NIBAN2: variants seen among roughly 807,000 people sequenced by gnomAD.
NIBAN2 encodes the protein protein Niban 2.
Under a neutral mutation model 81.8 loss-of-function variants are expected in NIBAN2, and 36 were observed. That is an observed-to-expected ratio of 0.44 (90% CI 0.34 to 0.58). The LOEUF (loss-of-function observed/expected upper bound fraction) is 0.58. Ranked by LOEUF, NIBAN2 falls within the 20% of genes least tolerant of loss-of-function variation. The probability of loss-of-function intolerance (pLI) is 0.02; values close to 1 mark genes in which losing one functional copy is unlikely to be tolerated. For synonymous variants in NIBAN2, 445 were observed against 441.6 expected (o/e 1.01, Z -0.10); for missense variants, 897 against 1,014.1 (o/e 0.88, Z 1.57).
In NIBAN2 at chr9:127,507,317, C is replaced by G. The variant is rs772289133; in HGVS notation, c.1769G>C (p.Gly590Ala). 1 of 1,575,412 alleles carries G rather than the reference C, an allele frequency of 6.3e-7. No individual in the cohort carries two copies. The highest frequency in any genetic ancestry group is 1.8e-5 in the Admixed American group (1 of 55,664). Residue 590 changes from glycine (G) to alanine (A), a missense_variant, in exon 14 of 14, where the codon GGC becomes GCC. Physicochemically the swap from Gly to Ala is moderately conservative, Grantham distance 60. Coordinates refer to ENST00000373312, the MANE Select transcript of NIBAN2 (RefSeq NM_022833.4). This position sits in a 1 kb window ranked among gnomAD's most constrained non-coding sequence, Gnocchi z 6.8. ...CCCGCCGCTGTTGCTGTACTCCTCG[C>G]CCCAGTCGATGGGGGCGCCCTCGGC... ...LLAEGAPIDW[G>A]EEYSNSGGGG...
At chr9:127,529,367 T>G (rs1487836455) in intron 2 of NIBAN2, among the ~76,000 whole-genome samples, 4 of 152,202 alleles carry the variant, frequency 2.6e-5, no homozygotes, top group Non-Finnish European at 5.9e-5. Flanking sequence ...AGCCGGGCGC[T>G]GTGGCTCACG....
chr9:127,523,891 C>T lies in NIBAN2; in HGVS notation c.422-45G>A, dbSNP rs771423128. ...TGAGCAGCTGCCCTCTGTGGTTGCC[C>T]TCCACCAGAGGATGTCAGAGAACTG... On this transcript the variant is annotated intron_variant, in intron 4 of 13. Transcript: ENST00000373312. 4 of 1,580,080 alleles carry T rather than the reference C, an allele frequency of 2.5e-6. No homozygotes were observed. In the Admixed American group the frequency reaches 5.0e-5, roughly 20 times the overall value.
chr9:127,509,709 G>T (rs918336562), intron 9 of NIBAN2, among the ~76,000 whole-genome samples: 15 of 151,382 alleles, frequency 9.9e-5, no homozygotes, highest in Non-Finnish European at 1.8e-4. Flanking sequence ...TTTGGAGGGC[G>T]CGTGACTTGT....
At position 127,515,715 on chromosome 9, in the gene NIBAN2, TAATCCC is replaced by T. The variant is rs138989938; in HGVS notation, c.973+1136_973+1141del. 6.0e-3 allele frequency among the ~76,000 whole-genome samples: 904 copies of T among 151,310 alleles called. 7 individuals carry two copies. The highest frequency in any genetic ancestry group is 0.01 in the Non-Finnish European group (700 of 67,914). On this transcript the variant is annotated intron_variant, in intron 8 of 13. Coordinates refer to ENST00000373312, the MANE Select transcript of NIBAN2 (RefSeq NM_022833.4). Reference sequence around the variant, plus strand: ...AGCTGGGCATGGTAGCAGGTGCCTGTAATCCCAGCTACTTGAGGGGCTGAGGCAGGA... The same window carrying T: ...AGCTGGGCATGGTAGCAGGTGCCTGTAGCTACTTGAGGGGCTGAGGCAGGA...
intron 1 of NIBAN2, among the ~76,000 whole-genome samples, chr9:127,565,741 C>T (rs1044191419): frequency 7.5e-5 from 11 of 147,258 alleles, no homozygotes; most frequent in Non-Finnish European, 1.5e-4. Context: ...TGAGATTGTG[C>T]CACTGGACTC....
intron 1 of NIBAN2, 118 bp from the exon 2 acceptor site, chr9:127,531,896 A>C: frequency 7.2e-7 from 1 of 1,398,338 alleles, no homozygotes; most frequent in East Asian, 2.3e-5. Flanking sequence ...AATTGTTTGC[A>C]CAGGCTCCTC....
intron 1 of NIBAN2, among the ~76,000 whole-genome samples, chr9:127,565,353 A>G (rs989985332): frequency 6.6e-6 from 1 of 152,150 alleles, no homozygotes; most frequent in Non-Finnish European, 1.5e-5. Context: ...ACTACTAAGG[A>G]GTAGAGGATT....
chr9:127,537,911 G>C (rs1228611850), intron 1 of NIBAN2, among the ~76,000 whole-genome samples: 1 of 152,228 alleles, frequency 6.6e-6, no homozygotes, highest in African/African-American at 2.4e-5. Flanking sequence ...TAGCCCAAGA[G>C]GGCAGTGTGT....
chr9:127,561,358 A>G, intron 1 of NIBAN2: 3 of 890,974 alleles, frequency 3.4e-6, no homozygotes, highest in Non-Finnish European at 2.7e-6. Flanking sequence ...GACCAGACAC[A>G]TCTCCCTGGG....
chr9:127,531,933 C>T (rs959597243), intron 1 of NIBAN2, among the ~76,000 whole-genome samples, 155 bp from the exon 2 acceptor site: 3 of 152,230 alleles, frequency 2.0e-5, no homozygotes, highest in African/African-American at 7.2e-5. Flanking sequence ...CATTTCTGGC[C>T]AGAGCCCCGC....
intron 5 of NIBAN2, among the ~76,000 whole-genome samples, chr9:127,521,723 G>A (rs1564300571): frequency 6.6e-6 from 1 of 152,176 alleles, no homozygotes; most frequent in Non-Finnish European, 1.5e-5. Flanking sequence ...CACCCGGCAG[G>A]ACACCTTCCT....
chr9:127,537,595 C>G (rs1313911120), intron 1 of NIBAN2, among the ~76,000 whole-genome samples: 1 of 152,210 alleles, frequency 6.6e-6, no homozygotes, highest in Admixed American at 6.5e-5. Context: ...GCTGGGATCC[C>G]CTGGCATAAC....
chr9:127,507,853 G>A lies in NIBAN2; in HGVS notation c.1654+14C>T, dbSNP rs772806687. 22 of 1,611,758 alleles carry A rather than the reference G, an allele frequency of 1.4e-5. No homozygotes were observed. The highest frequency in any genetic ancestry group is 2.2e-5 in the South Asian group (2 of 91,040). ...TCCTCCTGGCAACAGTCCCCACCCC[G>A]GGACGGCACCCACCCTGCAGGATGT... On this transcript the variant is annotated intron_variant, in intron 13 of 13. Coordinates refer to ENST00000373312, the MANE Select transcript of NIBAN2 (RefSeq NM_022833.4). This position sits in a 1 kb window ranked among gnomAD's most constrained non-coding sequence, Gnocchi z 6.8.
At chr9:127,539,410 C>T (rs905248667) in intron 1 of NIBAN2, among the ~76,000 whole-genome samples, 2 of 152,230 alleles carry the variant, frequency 1.3e-5, no homozygotes, top group South Asian at 2.1e-4. Context: ...ATCTTACAGA[C>T]GAGGAAACCG....
rs1236005809 is a variant in NIBAN2, at chr9:127,506,403, G to A, written c.*442C>T. The stretch of plus-strand genomic sequence containing the variant: ...AACTGCGGAAGGAGCAGGGCCAGGA[G>A]GGCAGCAGTGCTCCCTCTCCCGGTC... On this transcript the variant is annotated 3_prime_UTR_variant, in exon 14 of 14. Transcript: ENST00000373312. 1 of 156,890 alleles carries A rather than the reference G, an allele frequency of 6.4e-6. No homozygotes were observed. The highest frequency in any genetic ancestry group is 1.4e-5 in the Non-Finnish European group (1 of 71,394). The allele number at this position is 156,890 out of a possible 1,614,324, so 9.7% of individuals were successfully genotyped here.
chr9:127,511,108 G>A (rs1007154210), intron 8 of NIBAN2, among the ~76,000 whole-genome samples: 2 of 151,984 alleles, frequency 1.3e-5, no homozygotes, highest in Admixed American at 6.6e-5. Context: ...GTAATGGCAC[G>A]ATCTCAGCTC....
intron 1 of NIBAN2, among the ~76,000 whole-genome samples, chr9:127,553,166 C>T (rs1030136953): frequency 3.9e-5 from 6 of 151,974 alleles, no homozygotes; most frequent in African/African-American, 7.3e-5. Flanking sequence ...TTTCTTTGAC[C>T]ACTAGCTATT....
At chr9:127,516,002 G>A (rs979837317) in intron 8 of NIBAN2, among the ~76,000 whole-genome samples, 2 of 152,142 alleles carry the variant, frequency 1.3e-5, no homozygotes, top group African/African-American at 2.4e-5. Flanking sequence ...GCTGGGCGTG[G>A]TGGCACATGC....
chr9:127,561,417 T>C, intron 1 of NIBAN2: 2 of 370,266 alleles, frequency 5.4e-6, no homozygotes, highest in Non-Finnish European at 7.5e-6. Context: ...ACCACTCACA[T>C]ATTGTCACCT....
Sources: allele counts gnomAD v4.1 joint callset (sites outside exome capture counted in the v4.1 genomes callset), GRCh38; gene constraint gnomAD v4.1.1; non-coding constraint Gnocchi (gnomAD v3.1); transcripts MANE v1.5; gene names NCBI Gene and HGNC (gene_info 2026-07-23, HGNC 2026-07-21).